Variants in GPHN observed in about 807,000 individuals in gnomAD.
The protein encoded by GPHN is gephyrin.
GPHN carries 17 observed loss-of-function variants against 95.5 expected under a neutral mutation model. The observed-to-expected ratio is 0.18, with a 90% confidence interval of 0.12 to 0.27. The LOEUF (loss-of-function observed/expected upper bound fraction) is 0.27. Among genes scored for constraint, GPHN ranks in the 10% least tolerant of loss-of-function variants. The pLI, the probability that GPHN is intolerant of heterozygous loss-of-function variation, is 1.00. For missense variants in GPHN, 660 were observed against 978.1 expected (o/e 0.67, Z 4.34); for synonymous variants, 320 against 322.5 (o/e 0.99, Z 0.08).
intron 9 of GPHN, among the ~76,000 whole-genome samples, chr14:66,977,154 G>C (rs1471677776): frequency 6.6e-6 from 1 of 152,080 alleles, no homozygotes; most frequent in African/African-American, 2.4e-5. Flanking sequence ...TATACAGGCC[G>C]GGCGCGGTGG....
At chr14:67,672,815 T>C in the GPHN span, among the ~76,000 whole-genome samples, 1 of 152,148 alleles carries the variant, frequency 6.6e-6, no homozygotes, top group African/African-American at 2.4e-5. Flanking sequence ...CTGCATCCCA[T>C]CATATTTAGA....
chr14:66,859,978 A>C (rs1466151487), intron 4 of GPHN, among the ~76,000 whole-genome samples: 2 of 152,188 alleles, frequency 1.3e-5, no homozygotes, highest in Non-Finnish European at 2.9e-5. Context: ...CAAAATGTAG[A>C]AAATAGGCTC....
intron 5 of GPHN, among the ~76,000 whole-genome samples, chr14:66,904,581 G>A (rs2065280750): frequency 6.6e-6 from 1 of 152,110 alleles, no homozygotes; most frequent in Admixed American, 6.5e-5. Flanking sequence ...CCAAGTCCCT[G>A]GTTGACCCAG....
intron 10 of GPHN, among the ~76,000 whole-genome samples, chr14:67,036,227 A>G (rs1011293575): frequency 2.0e-5 from 3 of 151,866 alleles, no homozygotes; most frequent in African/African-American, 4.8e-5. Context: ...AATTACCTCA[A>G]TATAATAAAG....
the GPHN span, among the ~76,000 whole-genome samples, chr14:67,726,576 G>A: frequency 6.6e-6 from 1 of 152,120 alleles, no homozygotes; most frequent in African/African-American, 2.4e-5. Context: ...GGGGTTCAGC[G>A]TTCAAGGCAA....
At chr14:67,387,234 C>T in the GPHN span, 1 of 1,254,258 alleles carries the variant, frequency 8.0e-7, no homozygotes, top group Non-Finnish European at 1.1e-6. Flanking sequence ...ACAAAACTTA[C>T]AAAGAAGTCA....
At chr14:67,676,687 A>G in the GPHN span, 1 of 152,234 alleles carries the variant, frequency 6.6e-6, no homozygotes, top group Non-Finnish European at 1.5e-5. Context: ...TTATCACACA[A>G]CCTAAATTAA....
the GPHN span, chr14:67,352,985 G>T: frequency 8.7e-6 from 14 of 1,613,862 alleles, no homozygotes. Context: ...TTTTTCTTCA[G>T]GAGGTTTCGA....
At chr14:67,421,299 A>G in the GPHN span, among the ~76,000 whole-genome samples, 2 of 152,166 alleles carry the variant, frequency 1.3e-5, no homozygotes, top group Non-Finnish European at 2.9e-5. Context: ...GGCATGGTAA[A>G]TCCATGAAAA....
At chr14:66,745,910 G>GT (rs2058131232) in intron 2 of GPHN, among the ~76,000 whole-genome samples, 1 of 151,888 alleles carries the variant, frequency 6.6e-6, no homozygotes, top group Admixed American at 6.6e-5. Flanking sequence ...CATCACTATA[G>GT]TTTGTGTTTT....
the GPHN span, chr14:67,705,952 A>G: frequency 4.6e-5 from 7 of 152,362 alleles, no homozygotes; most frequent in African/African-American, 1.2e-4. Flanking sequence ...ATTAGTAAAG[A>G]TATCAGGTGC....
chr14:67,334,577 A>G, the GPHN span: 8 of 152,476 alleles, frequency 5.2e-5, no homozygotes, highest in African/African-American at 1.9e-4. Context: ...GACAGTTTAT[A>G]TGTCGCCTTT....
rs980202756 is a variant in GPHN at position 67,181,228 on chromosome 14, C to T, written c.*291C>T. The T allele has an allele frequency of 1.5e-5, 7 of 481,980 alleles. No individual in the cohort carries two copies. Among genetic ancestry groups the T allele is most frequent in the South Asian group, 6.4e-5 (3 of 46,554 alleles). 29.9% of individuals were successfully genotyped at this position (481,980 alleles called of 1,614,324 possible). On this transcript the variant is annotated 3_prime_UTR_variant, in exon 23 of 23. Coordinates refer to ENST00000478722, the MANE Select transcript of GPHN (RefSeq NM_020806.5). ...GATAGCGATAGCTTTTAGTAGACAG[C>T]GGTAGGTGCCTGCAGAACTTGTGTT...
At chr14:67,306,513 T>TTGTG in the GPHN span, among the ~76,000 whole-genome samples, 85 of 147,536 alleles carry the variant, frequency 5.8e-4, no homozygotes, top group East Asian at 2.6e-3. Context: ...CTGGCTGAAT[T>TTGTG]TGTGTGTGTG....
chr14:66,996,066 T>G (rs969088932), intron 9 of GPHN: 2 of 701,454 alleles, frequency 2.9e-6, no homozygotes, highest in Non-Finnish European at 5.0e-6. Context: ...TAAAGCTGTT[T>G]TATTATCTGG....
chr14:67,492,222 C>T, the GPHN span, among the ~76,000 whole-genome samples: 9 of 152,298 alleles, frequency 5.9e-5, no homozygotes, highest in Non-Finnish European at 7.3e-5. Flanking sequence ...TTCCCACCCC[C>T]GGCAATCAGT....
chr14:67,011,748 C>G (rs1225459595), intron 9 of GPHN, among the ~76,000 whole-genome samples: 1 of 151,888 alleles, frequency 6.6e-6, no homozygotes, highest in African/African-American at 2.4e-5. Context: ...TATAGTATAA[C>G]TTTAATGATT....
chr14:67,093,848 C>G (rs565470459), intron 12 of GPHN, among the ~76,000 whole-genome samples: 40 of 152,170 alleles, frequency 2.6e-4, no homozygotes, highest in Middle Eastern at 6.8e-3. Context: ...CTCTTGTTAC[C>G]TTTCCCTACC....
intron 1 of GPHN, among the ~76,000 whole-genome samples, chr14:66,587,320 C>T (rs1433168336): frequency 1.3e-5 from 2 of 152,054 alleles, no homozygotes; most frequent in East Asian, 3.9e-4. Flanking sequence ...GAAGTAATAC[C>T]AATGCTTCTG....
Sources: allele counts gnomAD v4.1 joint callset (sites outside exome capture counted in the v4.1 genomes callset), GRCh38; gene constraint gnomAD v4.1.1; transcripts MANE v1.5; gene names NCBI Gene and HGNC (gene_info 2026-07-23, HGNC 2026-07-21).